CNTN5: variants seen among roughly 807,000 people sequenced by gnomAD.
CNTN5 encodes contactin-5.
A neutral mutation model predicts 129.1 loss-of-function variants in CNTN5; 77 were observed. The observed-to-expected ratio is 0.60, with a 90% CI of 0.50 to 0.72. The LOEUF is 0.72. Ranked by LOEUF, CNTN5 falls within the 30% of genes least tolerant of loss-of-function variation. CNTN5 has a pLI of 0.00. For synonymous variants in CNTN5, 509 were observed against 465.6 expected, an observed-to-expected ratio of 1.09 and a Z score of -1.20; for missense variants, 1,478 against 1,328.8, an observed-to-expected ratio of 1.11 and a Z score of -1.75.
intron 2 of CNTN5, among the ~76,000 whole-genome samples, chr11:99,416,701 G>A (rs1489366472): frequency 6.6e-6 from 1 of 152,172 alleles, no homozygotes; most frequent in African/African-American, 2.4e-5. Flanking sequence ...TACATTGCAA[G>A]GTAGCAACGG....
chr11:99,784,098 G>A (rs1276497612), intron 3 of CNTN5, among the ~76,000 whole-genome samples: 4 of 152,054 alleles, frequency 2.6e-5, no homozygotes, highest in African/African-American at 9.7e-5. Flanking sequence ...GATTTCAGAA[G>A]ATGAACAAAA....
chr11:100,036,902 T>C (rs945158369), intron 9 of CNTN5, among the ~76,000 whole-genome samples: 1 of 147,262 alleles, frequency 6.8e-6, no homozygotes, highest in African/African-American at 2.6e-5. Context: ...TGTGCATTCA[T>C]GTCGTCTGCA....
At chr11:99,477,367 G>C (rs1360239314) in intron 2 of CNTN5, among the ~76,000 whole-genome samples, 1 of 151,668 alleles carries the variant, frequency 6.6e-6, no homozygotes, top group Non-Finnish European at 1.5e-5. Context: ...GATGAATCTA[G>C]TATTTTCTTC....
At chr11:100,211,546 A>G (rs1036220012) in intron 15 of CNTN5, among the ~76,000 whole-genome samples, 3 of 152,158 alleles carry the variant, frequency 2.0e-5, no homozygotes, top group Non-Finnish European at 4.4e-5. Context: ...AGAATCTTAA[A>G]CAGACTAAGT....
intron 9 of CNTN5, among the ~76,000 whole-genome samples, chr11:100,025,891 TTGTCG>T (rs1417560018): frequency 6.6e-6 from 1 of 152,308 alleles, no homozygotes; most frequent in South Asian, 2.1e-4. Flanking sequence ...TAGAAGGGAC[TTGTCG>T]TGTCTCAGAT....
intron 3 of CNTN5, among the ~76,000 whole-genome samples, chr11:99,690,896 T>G (rs1169701799): frequency 6.6e-6 from 1 of 152,150 alleles, no homozygotes; most frequent in Non-Finnish European, 1.5e-5. Context: ...TCTTGGGATT[T>G]TTTTGGTTGG....
intron 3 of CNTN5, among the ~76,000 whole-genome samples, chr11:99,581,587 T>C (rs1351823061): frequency 2.0e-5 from 3 of 152,302 alleles, no homozygotes; most frequent in African/African-American, 7.2e-5. Context: ...CGTTATGTAA[T>C]GGCCTTCTTT....
intron 1 of CNTN5, among the ~76,000 whole-genome samples, chr11:99,263,699 C>T (rs1423346116): frequency 6.6e-6 from 1 of 152,088 alleles, no homozygotes; most frequent in African/African-American, 2.4e-5. Flanking sequence ...TCACTGCAGC[C>T]TTGACCTCTG....
intron 3 of CNTN5, among the ~76,000 whole-genome samples, chr11:99,793,750 G>A (rs549117964): frequency 6.6e-6 from 1 of 152,004 alleles, no homozygotes; most frequent in Non-Finnish European, 1.5e-5. Flanking sequence ...TCTTAGTATT[G>A]ATTTCTATTT....
intron 3 of CNTN5, among the ~76,000 whole-genome samples, chr11:99,669,460 GTGTGTGTGTGTGTA>G (rs917568311): frequency 1.6e-4 from 13 of 80,724 alleles, no homozygotes; most frequent in African/African-American, 2.8e-4. Flanking sequence ...GTGTGTGTGT[GTGTGTGTGTGTGTA>G]TATGTGTATA....
At chr11:100,191,298 C>T (rs770324706) in intron 14 of CNTN5, 45 bp downstream of exon 14, 3 of 1,539,564 alleles carry the variant, frequency 1.9e-6, no homozygotes, top group Non-Finnish European at 2.7e-6. Flanking sequence ...GTCTCATGGT[C>T]TTATCGGAAA....
intron 1 of CNTN5, among the ~76,000 whole-genome samples, chr11:99,043,215 T>G (rs1347329761): frequency 6.6e-6 from 1 of 152,124 alleles, no homozygotes; most frequent in Non-Finnish European, 1.5e-5. Flanking sequence ...TTTCATTAGT[T>G]TATCATATTA....
At chr11:99,326,731 A>G (rs566489424) in intron 2 of CNTN5, among the ~76,000 whole-genome samples, 1 of 152,304 alleles carries the variant, frequency 6.6e-6, no homozygotes, top group East Asian at 1.9e-4. Flanking sequence ...AAGCAACCAC[A>G]TAAAAGAAAA....
At chr11:99,941,817 A>G (rs1950445267) in intron 7 of CNTN5, among the ~76,000 whole-genome samples, 1 of 152,094 alleles carries the variant, frequency 6.6e-6, no homozygotes, top group African/African-American at 2.4e-5. Context: ...GCTAGGGTGG[A>G]TTGAAGAAAT....
At chr11:99,689,418 T>A (rs1294863143) in intron 3 of CNTN5, among the ~76,000 whole-genome samples, 1 of 147,684 alleles carries the variant, frequency 6.8e-6, no homozygotes, top group South Asian at 2.2e-4. Context: ...TCCCAGCTGC[T>A]TGGGAGGCTG....
At chr11:99,061,579 T>A (rs1168947791) in intron 1 of CNTN5, among the ~76,000 whole-genome samples, 1 of 151,992 alleles carries the variant, frequency 6.6e-6, no homozygotes, top group East Asian at 1.9e-4. Flanking sequence ...AGATAAAAAA[T>A]AACACACACT....
chr11:100,057,244 G>GTATAAATA (rs1041389719), intron 9 of CNTN5, among the ~76,000 whole-genome samples: 1 of 147,434 alleles, frequency 6.8e-6, no homozygotes. Flanking sequence ...ACATTATAAA[G>GTATAAATA]TATAAATATA....
chr11:99,938,759 A>C (rs550100208), intron 7 of CNTN5, among the ~76,000 whole-genome samples: 1 of 152,252 alleles, frequency 6.6e-6, no homozygotes, highest in Non-Finnish European at 1.5e-5. Context: ...ATTTCTATGT[A>C]ATAGTTACAA....
chr11:99,249,712 T>C (rs1003258725), intron 1 of CNTN5, among the ~76,000 whole-genome samples: 3 of 152,076 alleles, frequency 2.0e-5, no homozygotes, highest in Middle Eastern at 3.4e-3. Context: ...ATATATATAA[T>C]ATATTGATAC....
Sources: gnomAD v4.1 joint callset for allele counts (sites outside exome capture counted in the v4.1 genomes callset) on GRCh38, gnomAD v4.1.1 for gene constraint, MANE v1.5 for transcripts, NCBI Gene and HGNC (gene_info 2026-07-23, HGNC 2026-07-21) for gene names.